The following FUT9 variants were observed in gnomAD, a reference collection of about 807,000 sequenced individuals.
FUT9 encodes the protein fucosyltransferase 9.
Under a neutral mutation model 29.7 loss-of-function variants are expected in FUT9, and 15 were observed. The observed-to-expected ratio is 0.51, with a 90% CI of 0.34 to 0.78. The LOEUF (loss-of-function observed/expected upper bound fraction) is 0.78, where lower values mean the gene tolerates loss of function less well. Among genes scored for constraint, FUT9 ranks in the 30% least tolerant of loss-of-function variants. FUT9 has a pLI of 0.01. For synonymous variants in FUT9, 169 were observed against 153.7 expected (o/e 1.10, Z -0.74); for missense variants, 319 against 425.4 (o/e 0.75, Z 2.20).
chr6:96,065,990 G>T (rs746167911), intron 1 of FUT9, among the ~76,000 whole-genome samples: 1 of 152,110 alleles, frequency 6.6e-6, no homozygotes, highest in Non-Finnish European at 1.5e-5. Flanking sequence ...AACTGTTTTA[G>T]TACAAACATT....
chr6:96,186,724 A>G (rs1003798257), intron 2 of FUT9, among the ~76,000 whole-genome samples: 2 of 152,152 alleles, frequency 1.3e-5, no homozygotes, highest in Admixed American at 6.6e-5. Flanking sequence ...CAATGGTGTC[A>G]ATTCCATTTC....
At chr6:96,147,360 G>A (rs1179918245) in intron 2 of FUT9, among the ~76,000 whole-genome samples, 2 of 151,684 alleles carry the variant, frequency 1.3e-5, no homozygotes, top group East Asian at 1.9e-4. Context: ...AGTAGGGTGG[G>A]GTTTCACCGT....
chr6:96,162,857 T>C (rs958184916), intron 2 of FUT9, among the ~76,000 whole-genome samples: 1 of 152,184 alleles, frequency 6.6e-6, no homozygotes, highest in Admixed American at 6.5e-5. Flanking sequence ...GGTAGAGAGG[T>C]ATTCTTTAAT....
chr6:96,147,761 G>A (rs1772599079), intron 2 of FUT9, among the ~76,000 whole-genome samples: 1 of 151,330 alleles, frequency 6.6e-6, no homozygotes, highest in African/African-American at 2.4e-5. Flanking sequence ...CTCATACAGA[G>A]TGCTAACACA....
chr6:96,102,600 G>A (rs963118687), intron 1 of FUT9, among the ~76,000 whole-genome samples: 1 of 152,118 alleles, frequency 6.6e-6, no homozygotes, highest in Non-Finnish European at 1.5e-5. Flanking sequence ...CAGTCATCTT[G>A]TCTTAGAGTT....
chr6:96,078,379 C>CTTTGA (rs1302285895), intron 1 of FUT9, among the ~76,000 whole-genome samples: 1 of 107,374 alleles, frequency 9.3e-6, no homozygotes, highest in African/African-American at 3.6e-5. Context: ...AGTGTGCTTG[C>CTTTGA]TTTGATCTCT....
intron 2 of FUT9, among the ~76,000 whole-genome samples, chr6:96,177,460 GT>G (rs1773224565): frequency 6.6e-6 from 1 of 151,872 alleles, no homozygotes; most frequent in African/African-American, 2.4e-5. Context: ...AAAAATTAAG[GT>G]TCACAGAATT....
At chr6:96,026,253 T>C (rs1215738902) in intron 1 of FUT9, among the ~76,000 whole-genome samples, 8 of 151,740 alleles carry the variant, frequency 5.3e-5, no homozygotes, top group African/African-American at 1.9e-4. Context: ...TGGTATGATA[T>C]ATGTTCATCC....
In FUT9 at chr6:96,052,559, G is replaced by T. The variant is rs573197252; in HGVS notation, c.-98+36347G>T. ...CCAATTGATTAAGTCAAGGCAGAAA[G>T]AAATAGAAAGTTGGAAAGCCAAATC... On this transcript the variant is annotated intron_variant, in intron 1 of 2. Coordinates refer to ENST00000302103, the MANE Select transcript of FUT9 (RefSeq NM_006581.4). 5.3e-5 allele frequency among the ~76,000 whole-genome samples: 8 copies of T among 152,262 alleles called. No individual in the cohort carries two copies. In the South Asian group the frequency reaches 1.7e-3, roughly 32 times the overall value.
In FUT9 at chr6:96,060,171, A is replaced by C. The variant is rs566917861; in HGVS notation, c.-98+43959A>C. Among the ~76,000 whole-genome samples the C allele has an allele frequency of 9.9e-5, 15 of 152,272 alleles. No individual in the cohort carries two copies. In the South Asian group the frequency reaches 2.1e-3, roughly 21 times the overall value. ...ATCCTGCTCTGAATTAAACCTTTCC[A>C]TTTAGTGTCAAACTGAACAGATGCA... On this transcript the variant is annotated intron_variant, in intron 1 of 2. Transcript: ENST00000302103.
chr6:96,132,313 C>T (rs1772261036), intron 2 of FUT9, among the ~76,000 whole-genome samples: 1 of 105,244 alleles, frequency 9.5e-6, no homozygotes, highest in South Asian at 3.0e-4. Flanking sequence ...ACATATGTGT[C>T]TGCTGTTCCA....
chr6:96,207,402 G>A lies in FUT9; in HGVS notation c.*3167G>A, dbSNP rs930239762. The A allele has an allele frequency of 1.8e-5, 3 of 166,972 alleles. No homozygotes were observed. Among genetic ancestry groups the A allele is most frequent in the African/African-American group, 7.2e-5 (3 of 41,406 alleles). 10.3% of individuals were successfully genotyped at this position (166,972 alleles called of 1,614,324 possible). A position where few individuals can be genotyped will look rare whatever the true frequency, so the allele number is the denominator to read the frequency against. ...CTTATTGGTATTTTTAGGGCCTATA[G>A]AATGGTACACCTCATGTAGAAGAAC... On this transcript the variant is annotated 3_prime_UTR_variant, in exon 3 of 3. Coordinates refer to ENST00000302103, the MANE Select transcript of FUT9 (RefSeq NM_006581.4).
chr6:96,061,816 G>T (rs921627643), intron 1 of FUT9, among the ~76,000 whole-genome samples: 1 of 152,130 alleles, frequency 6.6e-6, no homozygotes, highest in African/African-American at 2.4e-5. Flanking sequence ...AGCAAACTCA[G>T]AAAGCTCTTA....
intron 1 of FUT9, among the ~76,000 whole-genome samples, chr6:96,111,884 A>G (rs905806000): frequency 3.3e-5 from 5 of 152,148 alleles, no homozygotes; most frequent in African/African-American, 1.2e-4. Flanking sequence ...GATTATTTTG[A>G]TCTTTTATGT....
chr6:96,201,242 T>G (rs750578029), intron 2 of FUT9, among the ~76,000 whole-genome samples: 1 of 152,006 alleles, frequency 6.6e-6, no homozygotes, highest in Non-Finnish European at 1.5e-5. Context: ...TTGGTATTTC[T>G]GTATTTGTAC....
chr6:96,067,698 G>C (rs1770987861), intron 1 of FUT9, among the ~76,000 whole-genome samples: 1 of 152,054 alleles, frequency 6.6e-6, no homozygotes, highest in Non-Finnish European at 1.5e-5. Flanking sequence ...TGGAAGTATA[G>C]AATTGTGGTT....
rs1410952401 is a variant in FUT9 at position 96,213,402 on chromosome 6, G to A, written c.*9167G>A. The stretch of plus-strand genomic sequence containing the variant: ...TCTGAAACAAAATGTGACAATTCTA[G>A]CCATTATGTGAATTGTAAGGGTCAG... On this transcript the variant is annotated 3_prime_UTR_variant, in exon 3 of 3. Coordinates refer to ENST00000302103, the MANE Select transcript of FUT9 (RefSeq NM_006581.4). 2 of 166,784 alleles carry A rather than the reference G, an allele frequency of 1.2e-5. No individual in the cohort carries two copies. The highest frequency in any genetic ancestry group is 2.4e-5 in the African/African-American group (1 of 41,402). 10.3% of individuals were successfully genotyped at this position (166,784 alleles called of 1,614,324 possible). A position where few individuals can be genotyped will look rare whatever the true frequency, so the allele number is the denominator to read the frequency against.
At chr6:96,145,639 T>A (rs1554195981) in intron 2 of FUT9, among the ~76,000 whole-genome samples, 1 of 152,004 alleles carries the variant, frequency 6.6e-6, no homozygotes, top group Non-Finnish European at 1.5e-5. Flanking sequence ...GAAACTTGAG[T>A]AAAGATTTGA....
chr6:96,049,277 G>A (rs914836876), intron 1 of FUT9, among the ~76,000 whole-genome samples: 1 of 152,052 alleles, frequency 6.6e-6, no homozygotes, highest in Non-Finnish European at 1.5e-5. Flanking sequence ...TGCTTTTCTG[G>A]AGTCTCTTTC....
Sources: gnomAD v4.1 joint callset for allele counts (sites outside exome capture counted in the v4.1 genomes callset) on GRCh38, gnomAD v4.1.1 for gene constraint, MANE v1.5 for transcripts, NCBI Gene and HGNC (gene_info 2026-07-23, HGNC 2026-07-21) for gene names.